The following TET1 variants were observed in gnomAD, a reference collection of about 807,000 sequenced individuals.
The protein encoded by TET1 is tet methylcytosine dioxygenase 1.
TET1 carries 13 observed loss-of-function variants against 148.7 expected under a neutral mutation model. That is an observed-to-expected ratio of 0.09 (90% CI 0.06 to 0.14). The LOEUF is 0.14. Ranked by LOEUF, TET1 falls within the 10% of genes least tolerant of loss-of-function variation. The probability of loss-of-function intolerance (pLI) is 1.00; values close to 1 mark genes in which losing one functional copy is unlikely to be tolerated. For missense variants in TET1, 2,182 were observed against 2,553.8 expected (o/e 0.85, Z 3.14); for synonymous variants, 907 against 937.2 (o/e 0.97, Z 0.59).
At chr10:68,589,917 C>T (rs899756494) in intron 2 of TET1, among the ~76,000 whole-genome samples, 2 of 152,098 alleles carry the variant, frequency 1.3e-5, no homozygotes, top group African/African-American at 4.8e-5. Flanking sequence ...AGCCTTCTGC[C>T]TGCCTTGGCT....
intron 3 of TET1, among the ~76,000 whole-genome samples, chr10:68,614,455 T>C (rs2054260458): frequency 6.6e-6 from 1 of 152,180 alleles, no homozygotes; most frequent in Admixed American, 6.6e-5. Context: ...TCAGTCAAAT[T>C]CACTGCCCAA....
At chr10:68,661,196 A>ATTTTTTTTTTTTT (rs974912892) in intron 6 of TET1, among the ~76,000 whole-genome samples, 53 of 78,612 alleles carry the variant, frequency 6.7e-4, no homozygotes, top group African/African-American at 8.1e-4. Context: ...CGCCTGGCTA[A>ATTTTTTTTTTTTT]TTTTTTTTTT....
At chr10:68,671,169 G>C (rs950799388) in intron 7 of TET1, among the ~76,000 whole-genome samples, 3 of 151,934 alleles carry the variant, frequency 2.0e-5, no homozygotes, top group African/African-American at 7.3e-5. Flanking sequence ...AGTATCCAAT[G>C]GTTATTTTTT....
intron 6 of TET1, among the ~76,000 whole-genome samples, chr10:68,656,423 T>C (rs2055023049): frequency 6.6e-6 from 1 of 152,060 alleles, no homozygotes; most frequent in South Asian, 2.1e-4. Context: ...CCACCACACC[T>C]GGCTAATTTT....
intron 2 of TET1, among the ~76,000 whole-genome samples, chr10:68,577,762 C>G (rs116117118): frequency 5.3e-5 from 8 of 152,206 alleles, no homozygotes; most frequent in African/African-American, 1.9e-4. Flanking sequence ...GAGCCAAGAT[C>G]GCATAATTGC....
chr10:68,586,604 A>T (rs1589054192), intron 2 of TET1, among the ~76,000 whole-genome samples: 1 of 145,290 alleles, frequency 6.9e-6, no homozygotes, highest in East Asian at 2.0e-4. Context: ...AAGTGCTGGT[A>T]TTACAGGCAT....
In TET1 at chr10:68,596,186, C is replaced by T. The variant is rs7083924; in HGVS notation, c.1915-4795C>T. Among the ~76,000 whole-genome samples, 1,208 of 150,530 alleles carry T rather than the reference C, an allele frequency of 8.0e-3. 11 individuals are homozygous for T. Among genetic ancestry groups the T allele is most frequent in the African/African-American group, 0.028 (1,155 of 40,964 alleles). On this transcript the variant is annotated intron_variant, in intron 2 of 11. Coordinates refer to ENST00000373644, the MANE Select transcript of TET1 (RefSeq NM_030625.3). ...CCTGAGTAGCTTGAGATTACAGGCA[C>T]GTGCCACCATGCCCAGCGGAAGACA...
intron 3 of TET1, among the ~76,000 whole-genome samples, chr10:68,636,203 T>A (rs2054647968): frequency 6.6e-6 from 1 of 152,196 alleles, no homozygotes; most frequent in South Asian, 2.1e-4. Context: ...TAGCCAGGAA[T>A]ACTTGTGAAC....
intron 3 of TET1, among the ~76,000 whole-genome samples, chr10:68,605,721 G>T (rs545460083): frequency 6.6e-6 from 1 of 152,232 alleles, no homozygotes; most frequent in Middle Eastern, 3.4e-3. Flanking sequence ...TGCCATGCTG[G>T]CCAGTCTGGT....
chr10:68,587,941 C>A (rs2053878154), intron 2 of TET1, among the ~76,000 whole-genome samples: 1 of 152,138 alleles, frequency 6.6e-6, no homozygotes, highest in African/African-American at 2.4e-5. Context: ...TGCAGTGGCG[C>A]AACCTCTGCC....
intron 9 of TET1, 124 bp from the exon 10 acceptor site, chr10:68,682,712 T>C: frequency 1.8e-6 from 2 of 1,108,256 alleles, no homozygotes; most frequent in Non-Finnish European, 2.6e-6. Flanking sequence ...ATAATACATT[T>C]AGTCTCAGAA....
intron 8 of TET1, among the ~76,000 whole-genome samples, chr10:68,673,960 CTTTT>C: frequency 1.4e-5 from 1 of 72,428 alleles, no homozygotes; most frequent in African/African-American, 5.2e-5. Context: ...TTTTCTTTTT[CTTTT>C]TTTTTTTTTT....
At chr10:68,584,724 CAAAAAAAGTATACTGTA>C (rs1554931122) in intron 2 of TET1, among the ~76,000 whole-genome samples, 1 of 151,204 alleles carries the variant, frequency 6.6e-6, no homozygotes, top group Non-Finnish European at 1.5e-5. Context: ...ACAAACAAAA[CAAAAAAAGTATACTGTA>C]AACCATACAT....
intron 3 of TET1, among the ~76,000 whole-genome samples, chr10:68,611,151 C>T (rs2054203511): frequency 6.6e-6 from 1 of 151,998 alleles, no homozygotes; most frequent in African/African-American, 2.4e-5. Context: ...ATTAGCCAGA[C>T]ATGGTGGCGG....
chr10:68,590,110 T>C (rs2053902621), intron 2 of TET1, among the ~76,000 whole-genome samples: 1 of 152,116 alleles, frequency 6.6e-6, no homozygotes, highest in African/African-American at 2.4e-5. Flanking sequence ...ACACATGCTT[T>C]TCTTTTTTCT....
intron 3 of TET1, among the ~76,000 whole-genome samples, chr10:68,624,071 A>ACATATTTT (rs1324818958): frequency 6.6e-6 from 1 of 151,034 alleles, no homozygotes; most frequent in African/African-American, 2.4e-5. Flanking sequence ...GTTTTAACAC[A>ACATATTTT]CATATTTTCT....
At chr10:68,649,057 A>G (rs2054892270) in intron 4 of TET1, among the ~76,000 whole-genome samples, 1 of 152,244 alleles carries the variant, frequency 6.6e-6, no homozygotes, top group South Asian at 2.1e-4. Context: ...GAGAGAAGAA[A>G]GTAATCATCA....
rs773064351 is a variant in TET1 at position 68,586,176 on chromosome 10, T to C, written c.1914+11924T>C. ...CATGTGTGCCACTATGCCTGGTTTA[T>C]GTTTTTGGTTTTGTGTTTTGAGAAG... On this transcript the variant is annotated intron_variant, in intron 2 of 11. Coordinates refer to ENST00000373644, the MANE Select transcript of TET1 (RefSeq NM_030625.3). Among the ~76,000 whole-genome samples, 68 of 152,190 alleles carry C rather than the reference T, an allele frequency of 4.5e-4. 1 individual carries two copies. Among genetic ancestry groups the C allele is most frequent in the Non-Finnish European group, 7.9e-4 (54 of 68,016 alleles).
At chr10:68,677,122 A>T (rs2055372576) in intron 8 of TET1, among the ~76,000 whole-genome samples, 1 of 152,242 alleles carries the variant, frequency 6.6e-6, no homozygotes, top group South Asian at 2.1e-4. Context: ...AACAAAAATA[A>T]CATCTGCTTA....
Sources: gnomAD v4.1 joint callset for allele counts (sites outside exome capture counted in the v4.1 genomes callset) on GRCh38, gnomAD v4.1.1 for gene constraint, MANE v1.5 for transcripts, NCBI Gene and HGNC (gene_info 2026-07-23, HGNC 2026-07-21) for gene names.